The following HR variants were observed in gnomAD, a reference collection of about 807,000 sequenced individuals.
The protein encoded by HR is lysine-specific demethylase hairless.
HR carries 83 observed loss-of-function variants against 128.6 expected under a neutral mutation model. The ratio of observed to expected loss-of-function variants is 0.65; its 90% confidence interval spans 0.54 to 0.77. The LOEUF is 0.77. Among genes scored for constraint, HR ranks in the 30% least tolerant of loss-of-function variants. The pLI is 0.00. For missense variants in HR, 1,490 were observed against 1,574.6 expected (o/e 0.95, Z 0.91); for synonymous variants, 681 against 658.2 (o/e 1.03, Z -0.53).
At position 22,123,774 on chromosome 8, in the gene HR, G is replaced by A; in HGVS notation, c.1790C>T (p.Pro597Leu). 6.2e-7 allele frequency: 1 copy of A among 1,603,448 alleles called. No homozygotes were observed. Among genetic ancestry groups the A allele is most frequent in the Non-Finnish European group, 8.5e-7 (1 of 1,177,838 alleles). ...ATGGTGGCAACGGCTGCAGCAGCGT[G>A]GAATGCCTGGGCTGTCCTCTGTCAC... ...PAVTEDSPGI[P>L]RCCSRCHHGL... Residue 597 changes from proline (P) to leucine (L), a missense_variant, in exon 6 of 19, where the codon CCA becomes CTA. Physicochemically the swap from Pro to Leu is moderately conservative, Grantham distance 98. Transcript: ENST00000381418.
At chr8:22,120,267 C>A in intron 12 of HR, 75 bp downstream of exon 12, 1 of 1,611,320 alleles carries the variant, frequency 6.2e-7, no homozygotes, top group East Asian at 2.2e-5. Context: ...TCGGGGTCAC[C>A]CTGGGACTCC....
intron 9 of HR, among the ~76,000 whole-genome samples, 155 bp downstream of exon 9, chr8:22,121,458 G>T (rs1826750787): frequency 6.6e-6 from 1 of 152,006 alleles, no homozygotes; most frequent in Admixed American, 6.5e-5. Context: ...CAAAGAAGGT[G>T]TTTGGAGGCA....
At chr8:22,119,928 T>G (rs368839825) in intron 13 of HR, 38 bp from the exon 14 acceptor site, 2 of 1,612,110 alleles carry the variant, frequency 1.2e-6, no homozygotes, top group Non-Finnish European at 1.7e-6. Flanking sequence ...AGGCCCAACC[T>G]GGGCACCAGA....
rs191763994 is a variant in HR, at chr8:22,121,001, C to T, written c.2368-43G>A. On this transcript the variant is annotated intron_variant, in intron 10 of 18. Coordinates refer to ENST00000381418, the MANE Select transcript of HR (RefSeq NM_005144.5). Reference sequence around the variant, plus strand: ...GGGGCTTAGGACCCACTGGGCCCCACAGGGAGGGCAGGCCCAGCCTCTGGT... The same window carrying T: ...GGGGCTTAGGACCCACTGGGCCCCATAGGGAGGGCAGGCCCAGCCTCTGGT... 20 of 1,611,964 alleles carry T rather than the reference C, an allele frequency of 1.2e-5. No individual in the cohort carries two copies. In the African/African-American group the frequency reaches 1.6e-4, roughly 13 times the overall value.
At chr8:22,126,928 C>G in intron 3 of HR, 109 bp downstream of exon 3, 1 of 1,121,906 alleles carries the variant, frequency 8.9e-7, no homozygotes. Flanking sequence ...GGGAGCCTGA[C>G]CACTGGTTGT....
In HR at chr8:22,119,904, G is replaced by A; in HGVS notation, c.2847-14C>T. The stretch of plus-strand genomic sequence containing the variant: ...AGGTTCTCCACCCTGTCAGGGTAGG[G>A]GGTCATGCCCAGCAGGCCCAACCTG... On this transcript the variant is annotated splice_polypyrimidine_tract_variant and intron_variant, in intron 13 of 18. Transcript: ENST00000381418. 1 of 1,613,122 alleles carries A rather than the reference G, an allele frequency of 6.2e-7. No homozygotes were observed. Among genetic ancestry groups the A allele is most frequent in the African/African-American group, 1.3e-5 (1 of 75,056 alleles).
chr8:22,117,428 T>A (rs1461499345), intron 16 of HR: 1 of 207,930 alleles, frequency 4.8e-6, no homozygotes, highest in East Asian at 1.2e-4. Context: ...TACCAGGACT[T>A]CTTCATCTGA....
At chr8:22,125,904 G>A (rs1361553811) in intron 3 of HR, among the ~76,000 whole-genome samples, 172 bp from the exon 4 acceptor site, 2 of 152,196 alleles carry the variant, frequency 1.3e-5, no homozygotes, top group African/African-American at 2.4e-5. Flanking sequence ...TGGAAGGCTC[G>A]CACGCCAGGC....
rs138941448 is a variant in HR at position 22,122,510 on chromosome 8, C to T, written c.2104G>A (p.Gly702Arg). Residue 702 changes from glycine (G) to arginine (R), a missense_variant, in exon 8 of 19, where the codon GGG becomes AGG. Gly to Arg is a moderately radical substitution (Grantham distance 125). Coordinates refer to ENST00000381418, the MANE Select transcript of HR (RefSeq NM_005144.5). ...GGTCTTACCTGCTGGCCTGCATCCC[C>T]GGGGGCCCATACCCGGGCATCAGCT... is the stretch of plus-strand genomic sequence containing the variant. ...CQADARVWAP[G>R]DAGQQKESTQ... 134 of 1,608,940 alleles carry T rather than the reference C, an allele frequency of 8.3e-5. 2 individuals are homozygous for T. In the East Asian group the frequency reaches 2.3e-3, roughly 28 times the overall value.
Position 22,121,260 on chromosome 8 carries a change from C to T in HR, c.2204-32G>A, listed in dbSNP as rs564376330. On this transcript the variant is annotated intron_variant, in intron 9 of 18. Coordinates refer to ENST00000381418, the MANE Select transcript of HR (RefSeq NM_005144.5). ...GGGAGGAAGATGGTGGGGGGCTTCG[C>T]GTTTGGTCCCTCCTCTTCCCCTCGA... 15 of 1,609,994 alleles carry T rather than the reference C, an allele frequency of 9.3e-6. 1 individual carries two copies. In the Middle Eastern group the frequency reaches 5.0e-4, roughly 53 times the overall value.
Position 22,129,088 on chromosome 8 carries a change from G to A in HR, c.83C>T (p.Pro28Leu). The change falls in exon 2 of 19, where the codon CCC becomes CTC. Residue 28 changes from proline (P) to leucine (L), a missense_variant. Around this residue, in one of 3 missense-constraint regions of HR, gnomAD observed 1,060 missense variants for 1,060.9 expected, o/e 1.00. Transcript: ENST00000381418. ...APENGIVRQE[P>L]GSPPRDGLHH... ...CAGTCCATCTCGAGGCGGGCTGCCGGGCTCCTGTCTCACGATGCCGTTCTC... is the reference window on the plus strand; with the variant it reads ...CAGTCCATCTCGAGGCGGGCTGCCGAGCTCCTGTCTCACGATGCCGTTCTC... 1.2e-5 allele frequency: 19 copies of A among 1,575,294 alleles called. No individual in the cohort carries two copies. The highest frequency in any genetic ancestry group is 1.6e-5 in the Non-Finnish European group (19 of 1,162,786).
intron 14 of HR, 48 bp downstream of exon 14, chr8:22,119,712 C>G: frequency 6.4e-7 from 1 of 1,565,664 alleles, no homozygotes; most frequent in South Asian, 1.2e-5. Flanking sequence ...AGATGACAGG[C>G]AGACAGGCAT....
At chr8:22,118,218 T>G (rs1826640758) in intron 16 of HR, 1 of 152,776 alleles carries the variant, frequency 6.5e-6, no homozygotes, top group South Asian at 2.1e-4. Flanking sequence ...GGTGGAAGTC[T>G]TTTCCCCAGG....
chr8:22,129,097 C>T lies in HR; in HGVS notation c.74G>A (p.Arg25Lys), dbSNP rs1183472494. ...TCGAGGCGGGCTGCCGGGCTCCTGTCTCACGATGCCGTTCTCTGGGGCCGT... is the reference window on the plus strand; with the variant it reads ...TCGAGGCGGGCTGCCGGGCTCCTGTTTCACGATGCCGTTCTCTGGGGCCGT... ...EKTAPENGIV[R>K]QEPGSPPRDG... The change falls in exon 2 of 19, where the codon AGA (arginine) becomes AAA (lysine). Residue 25 changes from arginine to lysine, a missense_variant. Around this residue, in one of 3 missense-constraint regions of HR, gnomAD observed 1,060 missense variants for 1,060.9 expected, o/e 1.00. Transcript: ENST00000381418. 14 of 1,572,576 alleles carry T rather than the reference C, an allele frequency of 8.9e-6. No homozygotes were observed. The Admixed American group carries it at 2.4e-4, about 27-fold the overall frequency.
intron 14 of HR, 114 bp downstream of exon 14, chr8:22,119,646 G>T: frequency 1.6e-6 from 2 of 1,247,076 alleles, no homozygotes; most frequent in Non-Finnish European, 2.2e-6. Flanking sequence ...GAAAGAAATG[G>T]AATCAGAGAA....
Position 22,129,079 on chromosome 8 carries a change from G to A in HR, c.92C>T (p.Pro31Leu), listed in dbSNP as rs770494504. The change falls in exon 2 of 19, where the codon CCG becomes CTG. Residue 31 changes from proline to leucine, a missense_variant. Transcript: ENST00000381418. ...CCCATGGTGCAGTCCATCTCGAGGC[G>A]GGCTGCCGGGCTCCTGTCTCACGAT... Reference protein sequence around the residue: ...NGIVRQEPGSPPRDGLHHGPL... With the variant: ...NGIVRQEPGSLPRDGLHHGPL... 36 of 1,575,558 alleles carry A rather than the reference G, an allele frequency of 2.3e-5. No individual in the cohort carries two copies. Among genetic ancestry groups the A allele is most frequent in the South Asian group, 8.3e-5 (7 of 84,068 alleles).
At chr8:22,129,858 G>A (rs1007554964) in intron 1 of HR, among the ~76,000 whole-genome samples, 6 of 152,250 alleles carry the variant, frequency 3.9e-5, no homozygotes, top group African/African-American at 1.4e-4. Flanking sequence ...GAGCCCTGCA[G>A]TTTCTCGGCT....
chr8:22,123,111 C>T (rs1161309790), intron 6 of HR, among the ~76,000 whole-genome samples: 1 of 152,178 alleles, frequency 6.6e-6, no homozygotes, highest in Non-Finnish European at 1.5e-5. Context: ...ATGTGGAAGA[C>T]AATGTTCTAA....
rs1298228896 is a variant in HR at position 22,114,719 on chromosome 8, C to T, written c.*981G>A. On this transcript the variant is annotated 3_prime_UTR_variant, in exon 19 of 19. Transcript: ENST00000381418. ...CTTCTGGGCCATACTTCTGGATCTCCAGGTCAGGGTAGACGGGAGAGATGG... is the reference window on the plus strand; with the variant it reads ...CTTCTGGGCCATACTTCTGGATCTCTAGGTCAGGGTAGACGGGAGAGATGG... 6.6e-6 allele frequency: 1 copy of T among 152,476 alleles called. No homozygotes were observed. The highest frequency in any genetic ancestry group is 6.5e-5 in the Admixed American group (1 of 15,290). The allele number at this position is 152,476 out of a possible 1,614,324, so 9.4% of individuals were successfully genotyped here.
Sources: gnomAD v4.1 joint callset for allele counts (sites outside exome capture counted in the v4.1 genomes callset) on GRCh38, gnomAD v4.1.1 for gene constraint, gnomAD v4.1.1 regional missense constraint, MANE v1.5 for transcripts, NCBI Gene and HGNC (gene_info 2026-07-23, HGNC 2026-07-21) for gene names.